RALGPS1: variants seen among roughly 807,000 people sequenced by gnomAD.
RALGPS1 encodes the protein Ral GEF with PH domain and SH3 binding motif 1.
Under a neutral mutation model 78.8 loss-of-function variants are expected in RALGPS1, and 19 were observed. The ratio of observed to expected loss-of-function variants is 0.24; its 90% CI spans 0.17 to 0.35. The LOEUF (loss-of-function observed/expected upper bound fraction) is 0.35. RALGPS1 is among the 10% of genes least tolerant of loss of function. The pLI, the probability that RALGPS1 is intolerant of heterozygous loss-of-function variation, is 1.00. For synonymous variants in RALGPS1, 228 were observed against 256.3 expected, an observed-to-expected ratio of 0.89 and a Z score of 1.06; for missense variants, 454 against 688.3, an observed-to-expected ratio of 0.66 and a Z score of 3.81.
chr9:126,979,241 A>G (rs73668459), intron 4 of RALGPS1, among the ~76,000 whole-genome samples: 18 of 146,790 alleles, frequency 1.2e-4, no homozygotes, highest in African/African-American at 2.6e-4. Context: ...TTGTATTATT[A>G]TGTGTGTGTG....
At chr9:126,927,879 C>T (rs1588472508) in intron 1 of RALGPS1, among the ~76,000 whole-genome samples, 2 of 152,270 alleles carry the variant, frequency 1.3e-5, no homozygotes, top group Non-Finnish European at 2.9e-5. Context: ...ATTAGACTAA[C>T]GCGATGCGTG....
chr9:127,192,527 G>C (rs2061125697), intron 11 of RALGPS1, among the ~76,000 whole-genome samples: 1 of 152,172 alleles, frequency 6.6e-6, no homozygotes. Flanking sequence ...GCACCCTCCT[G>C]TGATCCCAGC....
intron 8 of RALGPS1, among the ~76,000 whole-genome samples, chr9:127,105,102 A>G (rs952275531): frequency 2.6e-5 from 4 of 152,138 alleles, no homozygotes; most frequent in African/African-American, 7.2e-5. Context: ...TTCATCTTCC[A>G]CAGCTAGGCA....
At chr9:126,975,923 C>A (rs1343975111) in intron 3 of RALGPS1, among the ~76,000 whole-genome samples, 1 of 152,154 alleles carries the variant, frequency 6.6e-6, no homozygotes, top group Non-Finnish European at 1.5e-5. Flanking sequence ...CACCCGTTTC[C>A]ATGAAGAACA....
chr9:126,989,220 A>T (rs1434277015), intron 4 of RALGPS1, among the ~76,000 whole-genome samples: 1 of 152,152 alleles, frequency 6.6e-6, no homozygotes, highest in Non-Finnish European at 1.5e-5. Flanking sequence ...AGGGTCTTTG[A>T]GGTGGGGTGG....
intron 8 of RALGPS1, among the ~76,000 whole-genome samples, chr9:127,112,077 T>C (rs1381414769): frequency 6.6e-6 from 1 of 152,226 alleles, no homozygotes; most frequent in Admixed American, 6.5e-5. Context: ...AGAGACCCTG[T>C]GCTCCCTGGG....
chr9:127,196,701 CTG>C (rs2140578490), intron 13 of RALGPS1, 70 bp downstream of exon 13: 4 of 1,471,328 alleles, frequency 2.7e-6, no homozygotes, highest in African/African-American at 1.4e-5. Context: ...GTGTCTGTCT[CTG>C]TGTCACTGTG....
Position 127,220,021 on chromosome 9 carries a change from T to G in RALGPS1, c.*1252T>G, listed in dbSNP as rs1173538991. ...TTAGGAGCTCTTCACATGAATCACA[T>G]CCTTATCTGTCACCTTGTGTCACAT... On this transcript the variant is annotated 3_prime_UTR_variant, in exon 19 of 19. Coordinates refer to ENST00000259351, the MANE Select transcript of RALGPS1 (RefSeq NM_014636.3). 1 of 152,672 alleles carries G rather than the reference T, an allele frequency of 6.5e-6. No individual in the cohort carries two copies. Among genetic ancestry groups the G allele is most frequent in the Non-Finnish European group, 1.5e-5 (1 of 68,040 alleles). 9.5% of individuals were successfully genotyped at this position (152,672 alleles called of 1,614,324 possible). A position where few individuals can be genotyped will look rare whatever the true frequency, so the allele number is the denominator to read the frequency against.
intron 8 of RALGPS1, among the ~76,000 whole-genome samples, chr9:127,089,495 A>G (rs775257931): frequency 4.6e-5 from 7 of 152,192 alleles, no homozygotes; most frequent in Non-Finnish European, 7.3e-5. Flanking sequence ...GGAGGCCCCA[A>G]GGGAACTCCA....
chr9:127,001,744 C>T (rs1018789599), intron 4 of RALGPS1, among the ~76,000 whole-genome samples: 7 of 151,964 alleles, frequency 4.6e-5, no homozygotes, highest in African/African-American at 1.2e-4. Flanking sequence ...ATTAGCTGGG[C>T]GTGGAGGCGT....
chr9:127,083,936 C>T (rs925898692), intron 8 of RALGPS1, among the ~76,000 whole-genome samples: 2 of 151,990 alleles, frequency 1.3e-5, no homozygotes, highest in African/African-American at 4.8e-5. Flanking sequence ...GAGACAGGGT[C>T]TCATTTTTTT....
At position 127,091,023 on chromosome 9, in the gene RALGPS1, G is replaced by T. The variant is rs1029198011; in HGVS notation, c.610+21667G>T. 2.0e-5 allele frequency among the ~76,000 whole-genome samples: 3 copies of T among 152,200 alleles called. No individual in the cohort carries two copies. Among genetic ancestry groups the T allele is most frequent in the African/African-American group, 7.2e-5 (3 of 41,452 alleles). On this transcript the variant is annotated intron_variant, in intron 8 of 18. Coordinates refer to ENST00000259351, the MANE Select transcript of RALGPS1 (RefSeq NM_014636.3). The surrounding 1 kb of genome is among the most constrained non-coding windows in gnomAD (Gnocchi z 4.3). ...ACAAATCACTTTCTCTCTCCTATCT[G>T]CTTTCCTCTTAATAGCTTCCTCTCA...
chr9:127,148,682 T>C (rs1406155881), intron 8 of RALGPS1, among the ~76,000 whole-genome samples: 2 of 152,080 alleles, frequency 1.3e-5, no homozygotes, highest in African/African-American at 4.8e-5. Flanking sequence ...CCTCCTGTAC[T>C]ACCCCAGAGA....
chr9:126,979,515 C>T (rs2041034814), intron 4 of RALGPS1, among the ~76,000 whole-genome samples: 1 of 152,156 alleles, frequency 6.6e-6, no homozygotes, highest in Non-Finnish European at 1.5e-5. Flanking sequence ...TGATCTGGAG[C>T]AGTTTAGACA....
At chr9:127,031,936 C>T (rs577002736) in intron 4 of RALGPS1, among the ~76,000 whole-genome samples, 1 of 152,252 alleles carries the variant, frequency 6.6e-6, no homozygotes, top group South Asian at 2.1e-4. Flanking sequence ...TGCATGATAT[C>T]AGCAAAATGA....
At chr9:126,994,379 G>C (rs2042544816) in intron 4 of RALGPS1, among the ~76,000 whole-genome samples, 1 of 152,204 alleles carries the variant, frequency 6.6e-6, no homozygotes, top group Non-Finnish European at 1.5e-5. Flanking sequence ...GCTACGTGAT[G>C]AATGCAGAAG....
At position 126,982,922 on chromosome 9, in the gene RALGPS1, CTTCTTCTTTTTT is replaced by C. The variant is rs1280983943; in HGVS notation, c.216+5180_216+5191del. Among the ~76,000 whole-genome samples, 4 of 71,122 alleles carry C rather than the reference CTTCTTCTTTTTT, an allele frequency of 5.6e-5. No homozygotes were observed. In the East Asian group the frequency reaches 2.5e-3, roughly 45 times the overall value. The allele number at this position is 71,122 out of a possible 152,430, so 46.7% of individuals were successfully genotyped here. Reference sequence around the variant, plus strand: ...TTCTTTTCTTCTTCTTCTTCTTCTTCTTCTTCTTTTTTTTTTTTTTTTTTTTTTTTTGAGGTG... The same window carrying C: ...TTCTTTTCTTCTTCTTCTTCTTCTTCTTTTTTTTTTTTTTTTTTTGAGGTG... On this transcript the variant is annotated intron_variant, in intron 4 of 18. Coordinates refer to ENST00000259351, the MANE Select transcript of RALGPS1 (RefSeq NM_014636.3).
At chr9:127,182,585 A>G (rs1443493092) in intron 11 of RALGPS1, among the ~76,000 whole-genome samples, 1 of 151,724 alleles carries the variant, frequency 6.6e-6, no homozygotes, top group East Asian at 1.9e-4. Context: ...GCCCGCCACC[A>G]TGCCCAGCAA....
chr9:127,183,752 G>A lies in RALGPS1; in HGVS notation c.910+8970G>A, dbSNP rs780752321. On this transcript the variant is annotated intron_variant, in intron 11 of 18. Transcript: ENST00000259351. This position sits in a 1 kb window ranked among gnomAD's most constrained non-coding sequence, Gnocchi z 4.0. ...CTCTCTCTGGAAACATACTCTCTCT[G>A]CCCGTTTATATTTTCGGAATGGATG... 1 of 862,182 alleles carries A rather than the reference G, an allele frequency of 1.2e-6. No homozygotes were observed. The highest frequency in any genetic ancestry group is 2.6e-5 in the Admixed American group (1 of 38,542). The allele number at this position is 862,182 out of a possible 1,614,324, so 53.4% of individuals were successfully genotyped here.
Sources: gnomAD v4.1 joint callset for allele counts (sites outside exome capture counted in the v4.1 genomes callset) on GRCh38, gnomAD v4.1.1 for gene constraint, Gnocchi (gnomAD v3.1) non-coding constraint, MANE v1.5 for transcripts, NCBI Gene and HGNC (gene_info 2026-07-23, HGNC 2026-07-21) for gene names.